Variants in ARHGAP39 observed in about 807,000 individuals in gnomAD.
The protein encoded by ARHGAP39 is rho GTPase-activating protein 39.
ARHGAP39 carries 44 observed loss-of-function variants against 106.9 expected under a neutral mutation model. The observed-to-expected ratio is 0.41, with a 90% CI of 0.32 to 0.53. The LOEUF (loss-of-function observed/expected upper bound fraction) is 0.53. ARHGAP39 is among the 20% of genes least tolerant of loss of function. ARHGAP39 has a pLI of 0.21. For missense variants in ARHGAP39, 1,496 were observed against 1,577.3 expected, an observed-to-expected ratio of 0.95 and a Z score of 0.87; for synonymous variants, 768 against 693.2, an observed-to-expected ratio of 1.11 and a Z score of -1.69.
chr8:144,580,758 G>GCCACCCCCCCCCCCCC, intron 3 of ARHGAP39, 88 bp downstream of exon 3: 1 of 185,576 alleles, frequency 5.4e-6, no homozygotes, highest in Non-Finnish European at 1.1e-5. Flanking sequence ...CTCTCACCTG[G>GCCACCCCCCCCCCCCC]CCCCGCCCAC....
intron 2 of ARHGAP39, among the ~76,000 whole-genome samples, chr8:144,597,068 C>T (rs1023189655): frequency 6.6e-6 from 1 of 152,336 alleles, no homozygotes; most frequent in South Asian, 2.1e-4. Flanking sequence ...CCCTCTGGGC[C>T]TTGACATCCC....
chr8:144,594,720 T>C (rs1586590469), intron 2 of ARHGAP39, among the ~76,000 whole-genome samples: 1 of 148,344 alleles, frequency 6.7e-6, no homozygotes, highest in African/African-American at 2.5e-5. Flanking sequence ...AGGTTAAATA[T>C]AATATACAAA....
At chr8:144,663,743 C>T (rs1230443786) in intron 1 of ARHGAP39, among the ~76,000 whole-genome samples, 3 of 152,256 alleles carry the variant, frequency 2.0e-5, no homozygotes, top group Non-Finnish European at 4.4e-5. Context: ...CCACGAACAA[C>T]TTCTGACCAC....
At chr8:144,695,076 T>C in the ARHGAP39 span, among the ~76,000 whole-genome samples, 1 of 146,532 alleles carries the variant, frequency 6.8e-6, no homozygotes, top group Non-Finnish European at 1.5e-5. Flanking sequence ...CATTCTTTTA[T>C]TTATTTATTT....
In ARHGAP39 at chr8:144,644,732, C is replaced by T. The variant is rs1317864491; in HGVS notation, c.-81-39037G>A. Among the ~76,000 whole-genome samples, 2 of 152,180 alleles carry T rather than the reference C, an allele frequency of 1.3e-5. No individual in the cohort carries two copies. The highest frequency in any genetic ancestry group is 2.9e-5 in the Non-Finnish European group (2 of 68,030). On this transcript the variant is annotated intron_variant, in intron 1 of 11. Transcript: ENST00000377307. This position sits in a 1 kb window ranked among gnomAD's most constrained non-coding sequence, Gnocchi z 4.8. ...ACCCAGGCCAAACCACGTCCCTGTC[C>T]GTGACTTCGCACCTGGCCTTTCAGC...
chr8:144,622,892 T>C lies in ARHGAP39; in HGVS notation c.-81-17197A>G, dbSNP rs559421021. 4.1e-4 allele frequency among the ~76,000 whole-genome samples: 63 copies of C among 152,350 alleles called. 1 individual carries two copies. Among genetic ancestry groups the C allele is most frequent in the African/African-American group, 1.5e-3 (62 of 41,590 alleles). ...GAGAGGCTGGGCCAGGCCTGGTTGC[T>C]GATCCAGTTACTGCCGGGGGACGCC... On this transcript the variant is annotated intron_variant, in intron 1 of 11. Coordinates refer to ENST00000377307, the MANE Select transcript of ARHGAP39 (RefSeq NM_025251.3).
chr8:144,685,473 C>G (rs1344248986), intron 1 of ARHGAP39, among the ~76,000 whole-genome samples: 1 of 149,440 alleles, frequency 6.7e-6, no homozygotes, highest in Non-Finnish European at 1.5e-5. Context: ...TCCGCGCCCC[C>G]CGCCCGGCCG....
chr8:144,532,087 T>TG (rs1317698335), intron 10 of ARHGAP39, among the ~76,000 whole-genome samples: 2 of 150,158 alleles, frequency 1.3e-5, no homozygotes, highest in Non-Finnish European at 3.0e-5. Context: ...GAGCAGCAGG[T>TG]GGGGAGTGGG....
At chr8:144,674,903 G>A (rs150928176) in intron 1 of ARHGAP39, among the ~76,000 whole-genome samples, 57 of 152,308 alleles carry the variant, frequency 3.7e-4, no homozygotes, top group African/African-American at 1.3e-3. Flanking sequence ...AAATTGACGT[G>A]GGGACCAGGA....
chr8:144,561,023 C>T (rs761150617), intron 3 of ARHGAP39, among the ~76,000 whole-genome samples: 4 of 152,228 alleles, frequency 2.6e-5, no homozygotes, highest in Non-Finnish European at 4.4e-5. Context: ...AAAACTGTGT[C>T]GAGAGATGAT....
At chr8:144,579,776 C>G (rs541414766) in intron 3 of ARHGAP39, among the ~76,000 whole-genome samples, 7 of 152,270 alleles carry the variant, frequency 4.6e-5, no homozygotes, top group Admixed American at 1.3e-4. Context: ...CTGCAGAAAG[C>G]CCCTGGGCCT....
the ARHGAP39 span, among the ~76,000 whole-genome samples, chr8:144,696,724 A>G: frequency 6.6e-6 from 1 of 152,310 alleles, no homozygotes; most frequent in East Asian, 1.9e-4. Context: ...GTGATATTCA[A>G]TACATTCACA....
In ARHGAP39 at chr8:144,605,714, A is replaced by G; in HGVS notation, c.-81-19T>C. Reference sequence around the variant, plus strand: ...TGCCGCACTGCAAGAGGGGAGAAGCAACAGTGCTGATATGGAAGACGCCTC... The same window carrying G: ...TGCCGCACTGCAAGAGGGGAGAAGCGACAGTGCTGATATGGAAGACGCCTC... On this transcript the variant is annotated intron_variant, in intron 1 of 11. Transcript: ENST00000377307. 1 of 1,176,004 alleles carries G rather than the reference A, an allele frequency of 8.5e-7. No individual in the cohort carries two copies. The highest frequency in any genetic ancestry group is 1.2e-6 in the Non-Finnish European group (1 of 803,492). The allele number at this position is 1,176,004 out of a possible 1,614,324, so 72.8% of individuals were successfully genotyped here.
At chr8:144,561,663 C>T (rs151109781) in intron 3 of ARHGAP39, among the ~76,000 whole-genome samples, 2,713 of 151,214 alleles carry the variant, frequency 0.018, 59 homozygotes, top group African/African-American at 0.062. Flanking sequence ...TGGTTTCCAT[C>T]GCGCTCCAGT....
At chr8:144,562,246 ACTCCAGTGGTTTCCATCGTG>A (rs750402221) in intron 3 of ARHGAP39, among the ~76,000 whole-genome samples, 42,019 of 137,754 alleles carry the variant, frequency 0.31, 11,455 homozygotes, top group South Asian at 0.46. Flanking sequence ...TTTCCATCAC[ACTCCAGTGGTTTCCATCGTG>A]CTCCAGTGGT....
Position 144,589,980 on chromosome 8 carries a change from C to G in ARHGAP39, c.81-8703G>C, listed in dbSNP as rs116585250. On this transcript the variant is annotated intron_variant, in intron 2 of 11. Transcript: ENST00000377307. ...GTCACTGCTGCCTCGGGGCCCACGACGCCCTGACCCTGGTGCCAACTGCTA... is the reference window on the plus strand; with the variant it reads ...GTCACTGCTGCCTCGGGGCCCACGAGGCCCTGACCCTGGTGCCAACTGCTA... Among the ~76,000 whole-genome samples, 15 of 152,396 alleles carry G rather than the reference C, an allele frequency of 9.8e-5. 1 individual carries two copies. The highest frequency in any genetic ancestry group is 3.6e-4 in the African/African-American group (15 of 41,608).
chr8:144,602,528 T>G (rs904073078), intron 2 of ARHGAP39, among the ~76,000 whole-genome samples: 4 of 130,362 alleles, frequency 3.1e-5, no homozygotes, highest in African/African-American at 1.2e-4. Context: ...GCATGTGTGC[T>G]CGTGTACCTG....
chr8:144,620,856 A>G (rs533651740), intron 1 of ARHGAP39, among the ~76,000 whole-genome samples: 1 of 152,374 alleles, frequency 6.6e-6, no homozygotes, highest in South Asian at 2.1e-4. Context: ...GACCGGCAGG[A>G]ATCCCTGGGG....
upstream of ARHGAP39, among the ~76,000 whole-genome samples, chr8:144,690,216 G>A (rs554677476): frequency 4.6e-4 from 70 of 151,118 alleles, 1 homozygote; most frequent in South Asian, 0.014. Flanking sequence ...AGATTCAAGC[G>A]ATTCTCCTGC....
Sources: allele counts gnomAD v4.1 joint callset (sites outside exome capture counted in the v4.1 genomes callset), GRCh38; gene constraint gnomAD v4.1.1; non-coding constraint Gnocchi (gnomAD v3.1); transcripts MANE v1.5; gene names NCBI Gene and HGNC (gene_info 2026-07-23, HGNC 2026-07-21).